Variants in NKAIN3 observed in about 807,000 individuals in gnomAD.
The protein encoded by NKAIN3 is sodium/potassium-transporting ATPase subunit beta-1-interacting protein 3.
Under a neutral mutation model 30.2 loss-of-function variants are expected in NKAIN3, and 25 were observed. That is an observed-to-expected ratio of 0.83 (90% CI 0.60 to 1.16). The LOEUF (loss-of-function observed/expected upper bound fraction) is 1.16, where lower values mean the gene tolerates loss of function less well. NKAIN3 is among the 50% of genes most tolerant of loss of function. The pLI, the probability that NKAIN3 is intolerant of heterozygous loss-of-function variation, is 0.00. For synonymous variants in NKAIN3, 91 were observed against 89.6 expected (o/e 1.02, Z -0.09); for missense variants, 225 against 254.1 (o/e 0.89, Z 0.78).
At chr8:62,350,028 T>G (rs967959027) in intron 1 of NKAIN3, among the ~76,000 whole-genome samples, 1 of 152,214 alleles carries the variant, frequency 6.6e-6, no homozygotes, top group Non-Finnish European at 1.5e-5. Flanking sequence ...CTGATGGGAA[T>G]GTAAAATGGT....
At chr8:62,319,551 C>G (rs1008939548) in intron 1 of NKAIN3, among the ~76,000 whole-genome samples, 1 of 152,084 alleles carries the variant, frequency 6.6e-6, no homozygotes, top group African/African-American at 2.4e-5. Context: ...TCGTTGGTTT[C>G]AAAGAACATA....
chr8:62,280,549 A>G (rs958462170), intron 1 of NKAIN3, among the ~76,000 whole-genome samples: 3 of 152,184 alleles, frequency 2.0e-5, no homozygotes, highest in South Asian at 2.1e-4. Context: ...GATACGTCCC[A>G]GCGATACCTG....
intron 4 of NKAIN3, among the ~76,000 whole-genome samples, chr8:62,804,499 C>T (rs547708823): frequency 2.2e-4 from 33 of 152,200 alleles, no homozygotes; most frequent in South Asian, 6.2e-4. Context: ...GTTCAATATA[C>T]GCAAATCAAT....
intron 1 of NKAIN3, among the ~76,000 whole-genome samples, chr8:62,479,603 G>C (rs2129600673): frequency 6.6e-6 from 1 of 152,302 alleles, no homozygotes; most frequent in South Asian, 2.1e-4. Flanking sequence ...TTTGGTTTCT[G>C]AGGGCAGAGG....
At chr8:62,831,014 G>C (rs1370118446) in intron 4 of NKAIN3, among the ~76,000 whole-genome samples, 2 of 152,158 alleles carry the variant, frequency 1.3e-5, no homozygotes, top group Non-Finnish European at 2.9e-5. Flanking sequence ...TGAGGCAGCA[G>C]AGAGAGTTTC....
chr8:62,985,765 A>AT (rs1824188052), downstream of NKAIN3, among the ~76,000 whole-genome samples: 1 of 151,568 alleles, frequency 6.6e-6, no homozygotes. Context: ...AAAAAAAAAA[A>AT]GGGAGGAGCC....
At chr8:62,832,494 A>T (rs192679992) in intron 4 of NKAIN3, among the ~76,000 whole-genome samples, 2 of 151,008 alleles carry the variant, frequency 1.3e-5, no homozygotes, top group East Asian at 1.9e-4. Context: ...TGTCTGCTAT[A>T]TTCAAGAGAC....
Position 62,955,957 on chromosome 8 carries a change from G to A in NKAIN3, c.603+1985G>A, listed in dbSNP as rs943036542. ...AAGCAATAGAACAAGCTTCTGCTTT[G>A]ACAGATTATGCATATTATCATGTCA... On this transcript the variant is annotated intron_variant, in intron 6 of 6. Transcript: ENST00000623646. Among the ~76,000 whole-genome samples the A allele has an allele frequency of 2.0e-5, 3 of 152,292 alleles. 1 individual carries two copies. Among genetic ancestry groups the A allele is most frequent in the Admixed American group, 2.0e-4 (3 of 15,302 alleles).
intron 1 of NKAIN3, among the ~76,000 whole-genome samples, chr8:62,506,476 C>CTTTCTTTCTTTTTTTTTT (rs71559373): frequency 1.7e-3 from 165 of 98,414 alleles, no homozygotes; most frequent in African/African-American, 2.7e-3. Flanking sequence ...TTCTTTCTTT[C>CTTTCTTTCTTTTTTTTTT]TTTTTTTTTT....
chr8:62,964,683 A>T (rs1055993735), intron 6 of NKAIN3, among the ~76,000 whole-genome samples: 4 of 151,896 alleles, frequency 2.6e-5, no homozygotes, highest in Non-Finnish European at 4.4e-5. Context: ...CTTCTAACTC[A>T]AGAGACCTCA....
chr8:62,385,685 T>C (rs186007843), intron 1 of NKAIN3, among the ~76,000 whole-genome samples: 1 of 152,290 alleles, frequency 6.6e-6, no homozygotes, highest in East Asian at 1.9e-4. Flanking sequence ...TGTCCATCTA[T>C]ATAGTCAAAC....
chr8:62,646,138 G>GA (rs75073790), intron 3 of NKAIN3, among the ~76,000 whole-genome samples: 12,602 of 116,094 alleles, frequency 0.11, 699 homozygotes, highest in African/African-American at 0.18. Flanking sequence ...CCTCATTCTG[G>GA]AAAAAAAAAA....
At chr8:62,582,321 A>G (rs1810330243) in intron 2 of NKAIN3, among the ~76,000 whole-genome samples, 1 of 152,140 alleles carries the variant, frequency 6.6e-6, no homozygotes, top group African/African-American at 2.4e-5. Context: ...AAACAGACAG[A>G]CACATTCTCT....
At chr8:62,344,153 G>A (rs1299446691) in intron 1 of NKAIN3, among the ~76,000 whole-genome samples, 1 of 151,990 alleles carries the variant, frequency 6.6e-6, no homozygotes, top group Non-Finnish European at 1.5e-5. Context: ...CAGTGCTGGA[G>A]CTGGACTTTG....
At chr8:62,328,985 G>C (rs1345486930) in intron 1 of NKAIN3, among the ~76,000 whole-genome samples, 1 of 151,992 alleles carries the variant, frequency 6.6e-6, no homozygotes, top group Non-Finnish European at 1.5e-5. Flanking sequence ...TCCATCTTTT[G>C]CATTACCTTT....
At chr8:62,632,644 A>C (rs1363126046) in intron 3 of NKAIN3, among the ~76,000 whole-genome samples, 2 of 152,060 alleles carry the variant, frequency 1.3e-5, no homozygotes, top group African/African-American at 2.4e-5. Context: ...CTGGGATTAC[A>C]GCCGTGTGCC....
intron 4 of NKAIN3, among the ~76,000 whole-genome samples, chr8:62,886,062 A>G (rs1353269134): frequency 6.6e-6 from 1 of 151,414 alleles, no homozygotes; most frequent in Non-Finnish European, 1.5e-5. Context: ...CTTTGTTTCT[A>G]TTTTTGTCTT....
At chr8:62,253,414 A>G (rs947306557) in intron 1 of NKAIN3, among the ~76,000 whole-genome samples, 2 of 152,086 alleles carry the variant, frequency 1.3e-5, no homozygotes, top group Admixed American at 6.6e-5. Context: ...CATCTCTACA[A>G]AAAATTTTAG....
intron 1 of NKAIN3, among the ~76,000 whole-genome samples, chr8:62,571,267 C>T (rs1809928712): frequency 1.3e-5 from 2 of 152,008 alleles, no homozygotes; most frequent in African/African-American, 4.8e-5. Flanking sequence ...TCCCAAGCAG[C>T]TGGGACTACA....
Sources: gnomAD v4.1 joint callset for allele counts (sites outside exome capture counted in the v4.1 genomes callset) on GRCh38, gnomAD v4.1.1 for gene constraint, MANE v1.5 for transcripts, NCBI Gene and HGNC (gene_info 2026-07-23, HGNC 2026-07-21) for gene names.